Variants in SBF2 observed in about 807,000 individuals in gnomAD.
SBF2 encodes myotubularin-related protein 13.
In SBF2, 112 loss-of-function variants were observed where a neutral mutation model predicts 225.2. That is an observed-to-expected ratio of 0.50 (90% CI 0.43 to 0.58). SBF2 has a LOEUF of 0.58. Ranked by LOEUF, SBF2 falls within the 20% of genes least tolerant of loss-of-function variation. SBF2 has a pLI of 0.00. For synonymous variants in SBF2, 763 were observed against 773.3 expected, an observed-to-expected ratio of 0.99 and a Z score of 0.22; for missense variants, 1,996 against 2,206.2, an observed-to-expected ratio of 0.90 and a Z score of 1.91.
At chr11:9,869,731 C>A (rs187049258) in intron 17 of SBF2, among the ~76,000 whole-genome samples, 2 of 152,154 alleles carry the variant, frequency 1.3e-5, no homozygotes, top group Admixed American at 6.5e-5. Context: ...TATAACAAAC[C>A]CACAGCCAAT....
intron 2 of SBF2, among the ~76,000 whole-genome samples, chr11:10,060,249 C>A (rs1590861334): frequency 6.6e-6 from 1 of 152,150 alleles, no homozygotes; most frequent in Non-Finnish European, 1.5e-5. Flanking sequence ...ACTATGAACA[C>A]CCCTCCGCAC....
At chr11:10,142,553 C>A (rs1339492809) in intron 2 of SBF2, among the ~76,000 whole-genome samples, 1 of 152,178 alleles carries the variant, frequency 6.6e-6, no homozygotes, top group East Asian at 1.9e-4. Context: ...TATAATACAA[C>A]CAGCGTGAAG....
chr11:9,785,571 T>G (rs1852318171), intron 36 of SBF2, among the ~76,000 whole-genome samples: 1 of 152,166 alleles, frequency 6.6e-6, no homozygotes, highest in Admixed American at 6.5e-5. Flanking sequence ...TAAAAAATGA[T>G]GCTGCTATGA....
intron 2 of SBF2, among the ~76,000 whole-genome samples, chr11:10,147,414 T>C (rs958981514): frequency 2.0e-5 from 3 of 152,204 alleles, no homozygotes; most frequent in Non-Finnish European, 4.4e-5. Flanking sequence ...TCATGTCCTG[T>C]GCAGGAACAT....
chr11:9,811,045 C>G (rs533355145), intron 30 of SBF2: 1 of 152,284 alleles, frequency 6.6e-6, no homozygotes, highest in African/African-American at 2.4e-5. Context: ...AAAGAATGAG[C>G]TTATGTCCTT....
intron 1 of SBF2, among the ~76,000 whole-genome samples, chr11:10,275,679 T>TTAAAACAAAA (rs1307820638): frequency 6.6e-6 from 1 of 150,866 alleles, no homozygotes; most frequent in Non-Finnish European, 1.5e-5. Context: ...CAACAGAATC[T>TTAAAACAAAA]TAAAACAAAA....
intron 2 of SBF2, among the ~76,000 whole-genome samples, chr11:10,109,664 C>T (rs1157466885): frequency 1.3e-5 from 2 of 152,106 alleles, no homozygotes; most frequent in African/African-American, 4.8e-5. Context: ...TACATGGACT[C>T]AACGAAGTAA....
intron 2 of SBF2, among the ~76,000 whole-genome samples, chr11:10,188,892 A>T (rs1343129226): frequency 6.6e-6 from 1 of 152,196 alleles, no homozygotes; most frequent in African/African-American, 2.4e-5. Flanking sequence ...TCCTTTTTAT[A>T]GTTCTTAGTA....
rs141631188 is a variant in SBF2 at position 10,259,030 on chromosome 11, C to A, written c.55+34985G>T. On this transcript the variant is annotated intron_variant, in intron 1 of 39. Transcript: ENST00000256190. ...GGAGCTAGTTGTAGCTCCTGGGAAC[C>A]TAGTCCTTGGACTTCTATGAGATCT... 8.0e-3 allele frequency among the ~76,000 whole-genome samples: 1,218 copies of A among 152,290 alleles called. 6 individuals carry two copies. Among genetic ancestry groups the A allele is most frequent in the South Asian group, 0.021 (103 of 4,830 alleles).
chr11:10,238,860 C>A (rs997156328), intron 1 of SBF2, among the ~76,000 whole-genome samples: 7 of 150,842 alleles, frequency 4.6e-5, no homozygotes, highest in African/African-American at 1.5e-4. Flanking sequence ...TTGCGGTGAG[C>A]CGAGATTGCC....
At chr11:9,886,143 A>T (rs943412523) in intron 17 of SBF2, among the ~76,000 whole-genome samples, 2 of 152,196 alleles carry the variant, frequency 1.3e-5, no homozygotes, top group African/African-American at 4.8e-5. Flanking sequence ...AGTCATAATT[A>T]TGTTTCCTTT....
chr11:10,075,537 C>T (rs1951065088), intron 2 of SBF2, among the ~76,000 whole-genome samples: 2 of 152,118 alleles, frequency 1.3e-5, no homozygotes, highest in African/African-American at 4.8e-5. Context: ...CAGATTTCCC[C>T]CTTGCTGTTC....
chr11:10,006,377 T>C (rs911447348), intron 6 of SBF2, among the ~76,000 whole-genome samples: 1 of 152,200 alleles, frequency 6.6e-6, no homozygotes, highest in Non-Finnish European at 1.5e-5. Context: ...CAGACACTAA[T>C]TGGATCCCCA....
chr11:10,119,252 C>G (rs1452845915), intron 2 of SBF2, among the ~76,000 whole-genome samples: 2 of 152,064 alleles, frequency 1.3e-5, no homozygotes, highest in East Asian at 3.9e-4. Context: ...TTAGTACTTC[C>G]TGTTCCGCTT....
At chr11:9,892,549 T>A (rs1265651185) in intron 17 of SBF2, among the ~76,000 whole-genome samples, 3 of 149,334 alleles carry the variant, frequency 2.0e-5, no homozygotes, top group Admixed American at 6.7e-5. Context: ...ATCTGGAAAA[T>A]ATATATATAT....
chr11:10,173,147 A>G (rs11602090), intron 2 of SBF2, among the ~76,000 whole-genome samples: 74,613 of 152,094 alleles, frequency 0.49, 18,683 homozygotes, highest in Non-Finnish European at 0.54. Flanking sequence ...AAACTTAGTC[A>G]GGAGAGGAGC....
In SBF2 at chr11:10,243,442, G is replaced by A. The variant is rs139822713; in HGVS notation, c.56-49455C>T. On this transcript the variant is annotated intron_variant, in intron 1 of 39. Transcript: ENST00000256190. ...AAAAAAAGAACACACCAAACCTAAA[G>A]TTAAAAAAATGAATCAAATAATAAA... is the stretch of plus-strand genomic sequence containing the variant. Among the ~76,000 whole-genome samples, 318 of 150,114 alleles carry A rather than the reference G, an allele frequency of 2.1e-3. 2 individuals carry two copies. Among genetic ancestry groups the A allele is most frequent in the African/African-American group, 6.3e-3 (258 of 40,926 alleles).
intron 16 of SBF2, among the ~76,000 whole-genome samples, chr11:9,923,509 CT>C (rs1863793786): frequency 2.0e-5 from 3 of 152,196 alleles, no homozygotes; most frequent in African/African-American, 7.2e-5. Context: ...CCACTGTTTA[CT>C]ACATTTGTGA....
intron 17 of SBF2, among the ~76,000 whole-genome samples, chr11:9,880,085 A>T (rs371871095): frequency 1.2e-4 from 5 of 41,646 alleles, no homozygotes; most frequent in Non-Finnish European, 1.9e-4. Context: ...TCTGTCTCAT[A>T]AAAAAAAAAA....
Sources: gnomAD v4.1 joint callset for allele counts (sites outside exome capture counted in the v4.1 genomes callset) on GRCh38, gnomAD v4.1.1 for gene constraint, MANE v1.5 for transcripts, NCBI Gene and HGNC (gene_info 2026-07-23, HGNC 2026-07-21) for gene names.